Variants in DISP1 observed in about 807,000 individuals in gnomAD.
DISP1 encodes protein dispatched homolog 1.
DISP1 carries 30 observed loss-of-function variants against 37.3 expected under a neutral mutation model. That is an observed-to-expected ratio of 0.80 (90% CI 0.60 to 1.09). The LOEUF (loss-of-function observed/expected upper bound fraction) is 1.09, where lower values mean the gene tolerates loss of function less well. Ranked by LOEUF, DISP1 falls within the 50% of genes least tolerant of loss-of-function variation. The pLI is 0.00. For missense variants in DISP1, 1,598 were observed against 1,879.5 expected (o/e 0.85, Z 2.77); for synonymous variants, 634 against 690.2 (o/e 0.92, Z 1.28).
intron 2 of DISP1, among the ~76,000 whole-genome samples, chr1:222,940,452 T>C (rs1327638439): frequency 6.6e-6 from 1 of 152,042 alleles, no homozygotes; most frequent in Non-Finnish European, 1.5e-5. Flanking sequence ...CCTCCAACAC[T>C]GAGGATTACA....
At chr1:222,916,389 G>A (rs1347205566) in intron 1 of DISP1, among the ~76,000 whole-genome samples, 1 of 152,226 alleles carries the variant, frequency 6.6e-6, no homozygotes, top group Non-Finnish European at 1.5e-5. Flanking sequence ...TCTACCATTT[G>A]GGATGGTAAT....
At chr1:222,929,044 C>T (rs938529722) in intron 2 of DISP1, among the ~76,000 whole-genome samples, 26 of 152,296 alleles carry the variant, frequency 1.7e-4, no homozygotes, top group Middle Eastern at 3.4e-3. Context: ...TTATTAGCAT[C>T]TTCCCTCCTA....
intron 1 of DISP1, among the ~76,000 whole-genome samples, chr1:222,855,106 T>C (rs1020895663): frequency 6.6e-6 from 1 of 152,176 alleles, no homozygotes; most frequent in African/African-American, 2.4e-5. Context: ...TATAATAAAT[T>C]AGCTTTTGCT....
At chr1:222,905,859 A>G (rs1572476405) in intron 1 of DISP1, among the ~76,000 whole-genome samples, 1 of 151,440 alleles carries the variant, frequency 6.6e-6, no homozygotes, top group African/African-American at 2.4e-5. Flanking sequence ...AAATTTAAAA[A>G]TATTCTCATA....
At chr1:222,931,740 A>T (rs1375007618) in intron 2 of DISP1, among the ~76,000 whole-genome samples, 1 of 149,482 alleles carries the variant, frequency 6.7e-6, no homozygotes. Context: ...CTTTTATTAG[A>T]GGATCTTGAG....
intron 3 of DISP1, among the ~76,000 whole-genome samples, chr1:222,946,217 CAAA>C (rs11330653): frequency 3.9e-5 from 5 of 127,940 alleles, no homozygotes; most frequent in Admixed American, 1.6e-4. Flanking sequence ...ACTAAAAATA[CAAA>C]AAAAAAAAAA....
intron 1 of DISP1, among the ~76,000 whole-genome samples, chr1:222,915,724 A>G (rs148350666): frequency 9.5e-4 from 145 of 152,336 alleles, no homozygotes; most frequent in African/African-American, 3.4e-3. Context: ...AAGGTCTAAT[A>G]CTGAATATTA....
chr1:222,978,040 G>A (rs1343049047), intron 3 of DISP1, among the ~76,000 whole-genome samples: 1 of 152,046 alleles, frequency 6.6e-6, no homozygotes, highest in African/African-American at 2.4e-5. Context: ...TAATCCTTTG[G>A]GTATATACCC....
At chr1:222,875,654 T>TTAA (rs1395433918) in intron 1 of DISP1, among the ~76,000 whole-genome samples, 1 of 93,680 alleles carries the variant, frequency 1.1e-5, no homozygotes, top group Non-Finnish European at 2.0e-5. Context: ...CTGTCTCTAC[T>TTAA]AAAAAAAAAA....
chr1:222,977,186 T>G (rs1036127786), intron 3 of DISP1, among the ~76,000 whole-genome samples: 2 of 144,266 alleles, frequency 1.4e-5, no homozygotes, highest in African/African-American at 4.9e-5. Flanking sequence ...TGCACCACCA[T>G]GCCCGGCTAG....
chr1:222,900,259 G>A (rs189175050), intron 1 of DISP1, among the ~76,000 whole-genome samples: 1 of 152,098 alleles, frequency 6.6e-6, no homozygotes, highest in East Asian at 1.9e-4. Context: ...TAGGGACAAC[G>A]TTTTTAAGCC....
chr1:222,968,672 G>A (rs1223061925), intron 3 of DISP1, among the ~76,000 whole-genome samples: 1 of 152,132 alleles, frequency 6.6e-6, no homozygotes, highest in Non-Finnish European at 1.5e-5. Context: ...GGTGGCTCAT[G>A]CCTGTAATCC....
At chr1:222,938,760 A>AAAAGG (rs1674158579) in intron 2 of DISP1, among the ~76,000 whole-genome samples, 3 of 104,568 alleles carry the variant, frequency 2.9e-5, no homozygotes, top group African/African-American at 1.1e-4. Context: ...AAAAAAAAAA[A>AAAAGG]AAGGAAGGAA....
intron 1 of DISP1, among the ~76,000 whole-genome samples, chr1:222,899,250 T>G (rs577701181): frequency 1.3e-5 from 2 of 152,190 alleles, no homozygotes; most frequent in African/African-American, 4.8e-5. Context: ...GGAGGAGTTG[T>G]GGGGGGAGCA....
At chr1:222,829,768 G>A (rs757619182) in intron 1 of DISP1, among the ~76,000 whole-genome samples, 7 of 151,982 alleles carry the variant, frequency 4.6e-5, no homozygotes, top group Non-Finnish European at 8.8e-5. Flanking sequence ...CTTTAGAGCA[G>A]TATTTTCTAT....
intron 2 of DISP1, among the ~76,000 whole-genome samples, chr1:222,931,685 CTTT>C (rs5781291): frequency 1.7e-4 from 24 of 140,578 alleles, no homozygotes; most frequent in Admixed American, 4.2e-4. Context: ...CACCAGGAAT[CTTT>C]TTTTTTTTTT....
rs753454767 is a variant in DISP1 at position 222,991,643 on chromosome 1, A to G, written c.787A>G (p.Lys263Glu). ...YPFKYADEQA[K>E]SHRDDRWSDD... ...CTTTAAATATGCAGATGAACAAGCC[A>G]AAAGGTAATCAATTATTTATTTTTA... is the stretch of plus-strand genomic sequence containing the variant. The change falls in exon 6 of 9, where the codon AAA becomes GAA. Residue 263 changes from lysine (K) to glutamate (E), a missense_variant. Transcript: ENST00000675850. 1 of 1,612,446 alleles carries G rather than the reference A, an allele frequency of 6.2e-7. No individual in the cohort carries two copies. The highest frequency in any genetic ancestry group is 1.1e-5 in the South Asian group (1 of 90,916).
intron 1 of DISP1, among the ~76,000 whole-genome samples, chr1:222,877,384 G>A (rs1450985411): frequency 6.6e-6 from 1 of 152,268 alleles, no homozygotes; most frequent in African/African-American, 2.4e-5. Flanking sequence ...GATTGTGCGG[G>A]AGAACTCCTA....
At chr1:222,855,165 A>C (rs537191451) in intron 1 of DISP1, among the ~76,000 whole-genome samples, 3 of 152,284 alleles carry the variant, frequency 2.0e-5, no homozygotes, top group South Asian at 4.1e-4. Context: ...CCAACTCTTG[A>C]GGGTTCCATC....
Sources: gnomAD v4.1 joint callset for allele counts (sites outside exome capture counted in the v4.1 genomes callset) on GRCh38, gnomAD v4.1.1 for gene constraint, MANE v1.5 for transcripts, NCBI Gene and HGNC (gene_info 2026-07-23, HGNC 2026-07-21) for gene names.